Variants in UBR4 observed in about 807,000 individuals in gnomAD.
The protein encoded by UBR4 is ubiquitin protein ligase E3 component n-recognin 4.
A neutral mutation model predicts 575.6 loss-of-function variants in UBR4; 124 were observed. The observed-to-expected ratio is 0.22, with a 90% CI of 0.19 to 0.25. UBR4 has a LOEUF of 0.25. Ranked by LOEUF, UBR4 falls within the 10% of genes least tolerant of loss-of-function variation. The pLI is 1.00. For missense variants in UBR4, 4,818 were observed against 6,478.8 expected (o/e 0.74, Z 8.80); for synonymous variants, 2,455 against 2,473.7 (o/e 0.99, Z 0.22).
rs144364399 is a variant in UBR4 at position 19,088,760 on chromosome 1, G to A, written c.14429C>T (p.Thr4810Met). The part of the protein sequence containing the change: ...RQKALGTLGM[T>M]TNEKGQVVTK... The stretch of plus-strand genomic sequence containing the variant: ...GGGGACTCTAGGTGGTAGCTTTACC[G>A]TCATGCCCAGGGTGCCCAGGGCCTT... Residue 4810 changes from threonine (T) to methionine (M), a missense_variant and splice_region_variant, in exon 98 of 106, where the codon ACG becomes ATG. This residue lies in a region of UBR4 where 196 missense variants were observed against 386.8 expected (regional missense o/e 0.51). Transcript: ENST00000375254. This position sits in a 1 kb window ranked among gnomAD's most constrained non-coding sequence, Gnocchi z 4.0. The A allele has an allele frequency of 6.9e-5, 111 of 1,612,908 alleles. 1 individual carries two copies. The highest frequency in any genetic ancestry group is 3.1e-4 in the African/African-American group (23 of 74,852).
chr1:19,120,079 A>T, intron 69 of UBR4, 101 bp downstream of exon 69: 1 of 1,373,660 alleles, frequency 7.3e-7, no homozygotes, highest in Non-Finnish European at 1.0e-6. Flanking sequence ...TGGCGTAACT[A>T]CTGACTCTGT....
intron 69 of UBR4, 49 bp from the exon 70 acceptor site, chr1:19,119,750 G>A (rs748938022): frequency 2.5e-6 from 4 of 1,577,098 alleles, no homozygotes; most frequent in Non-Finnish European, 3.5e-6. Flanking sequence ...AAACCCTGAG[G>A]CACCTGTGTT....
At chr1:19,127,314 C>A (rs1406971184) in intron 63 of UBR4, among the ~76,000 whole-genome samples, 1 of 152,202 alleles carries the variant, frequency 6.6e-6, no homozygotes, top group East Asian at 1.9e-4. Context: ...TACCTTATAG[C>A]AACATACACT....
chr1:19,110,649 C>A lies in UBR4; in HGVS notation c.11892+93G>T. ...GGTAATGTTCTGCTCCTTCCCTCCT[C>A]AGTCACCGCAGGACCTGGGAGGGGA... On this transcript the variant is annotated intron_variant, in intron 79 of 105. Coordinates refer to ENST00000375254, the MANE Select transcript of UBR4 (RefSeq NM_020765.3). This position sits in a 1 kb window ranked among gnomAD's most constrained non-coding sequence, Gnocchi z 4.5. The A allele has an allele frequency of 6.9e-7, 1 of 1,449,580 alleles. No individual in the cohort carries two copies. Among genetic ancestry groups the A allele is most frequent in the East Asian group, 2.3e-5 (1 of 44,052 alleles). The allele number at this position is 1,449,580 out of a possible 1,614,324, so 89.8% of individuals were successfully genotyped here.
Position 19,081,868 on chromosome 1 carries a change from T to C in UBR4, c.15009-295A>G, listed in dbSNP as rs12404356. 86 of 635,228 alleles carry C rather than the reference T, an allele frequency of 1.4e-4. 1 individual carries two copies. The South Asian group carries it at 1.5e-3, about 11-fold the overall frequency. The allele number at this position is 635,228 out of a possible 1,614,324, so 39.3% of individuals were successfully genotyped here. ...CAACTACTGGTTCCTGAGCACCATA[T>C]ATCAGGGACGTTCACAATCTCCCCA... On this transcript the variant is annotated intron_variant, in intron 102 of 105. Coordinates refer to ENST00000375254, the MANE Select transcript of UBR4 (RefSeq NM_020765.3).
chr1:19,140,554 C>T (rs903919250), intron 58 of UBR4, among the ~76,000 whole-genome samples: 5 of 152,234 alleles, frequency 3.3e-5, no homozygotes, highest in East Asian at 1.9e-4. Flanking sequence ...TCGGCTTTTC[C>T]GTGGGGAAGT....
chr1:19,191,852 G>C (rs906578824), intron 11 of UBR4, among the ~76,000 whole-genome samples: 2 of 152,116 alleles, frequency 1.3e-5, no homozygotes, highest in Non-Finnish European at 2.9e-5. Context: ...GGTTATACAC[G>C]CAAGTACTCA....
In UBR4 at chr1:19,110,841, G is replaced by A; in HGVS notation, c.11802-9C>T. ...TGGCTTCTGGGTTGTCTCTGCAGAAGCAAATAGAAATGGAGTCCTATAATT... is the reference window on the plus strand; with the variant it reads ...TGGCTTCTGGGTTGTCTCTGCAGAAACAAATAGAAATGGAGTCCTATAATT... On this transcript the variant is annotated splice_polypyrimidine_tract_variant and intron_variant, in intron 78 of 105. Coordinates refer to ENST00000375254, the MANE Select transcript of UBR4 (RefSeq NM_020765.3). The surrounding 1 kb of genome is among the most constrained non-coding windows in gnomAD (Gnocchi z 4.5). 6.2e-7 allele frequency: 1 copy of A among 1,613,244 alleles called. No individual in the cohort carries two copies. The highest frequency in any genetic ancestry group is 8.5e-7 in the Non-Finnish European group (1 of 1,179,558).
chr1:19,184,565 C>T (rs941645052), intron 15 of UBR4, among the ~76,000 whole-genome samples: 4 of 152,178 alleles, frequency 2.6e-5, no homozygotes, highest in African/African-American at 4.8e-5. Flanking sequence ...CCTAGCTCTT[C>T]TCTATTAAAA....
chr1:19,154,226 C>T (rs2086130143), intron 44 of UBR4, among the ~76,000 whole-genome samples: 2 of 152,184 alleles, frequency 1.3e-5, no homozygotes, highest in Admixed American at 1.3e-4. Context: ...CTGCAGAGGG[C>T]CATGGAGCTG....
In UBR4 at chr1:19,198,549, G is replaced by C; in HGVS notation, c.640C>G (p.Gln214Glu). Reference sequence around the variant, plus strand: ...TGACTAAAGAAACTCACCAGAGTCTGTGTACTGATAGGTTGTGATGCTACA... The same window carrying C: ...TGACTAAAGAAACTCACCAGAGTCTCTGTACTGATAGGTTGTGATGCTACA... Reference protein sequence around the residue: ...RTVASQPISTQTLVEGENDEQ... With the variant: ...RTVASQPISTETLVEGENDEQ... The change falls in exon 5 of 106, where the codon CAG (glutamine) becomes GAG (glutamate). Residue 214 changes from glutamine (Q) to glutamate (E), a missense_variant. Gln to Glu is a conservative substitution (Grantham distance 29). This residue lies in a region of UBR4 where 83 missense variants were observed against 77.3 expected (regional missense o/e 1.07). Transcript: ENST00000375254. The C allele has an allele frequency of 6.2e-7, 1 of 1,614,040 alleles. No individual in the cohort carries two copies. The highest frequency in any genetic ancestry group is 8.5e-7 in the Non-Finnish European group (1 of 1,179,988).
At chr1:19,102,275 G>A (rs558974411) in intron 87 of UBR4, among the ~76,000 whole-genome samples, 1 of 152,106 alleles carries the variant, frequency 6.6e-6, no homozygotes, top group African/African-American at 2.4e-5. Flanking sequence ...TGAGGTGGGA[G>A]GATGGTTTGA....
chr1:19,200,617 G>A (rs1444310190), intron 2 of UBR4, among the ~76,000 whole-genome samples: 4 of 151,996 alleles, frequency 2.6e-5, no homozygotes, highest in African/African-American at 9.7e-5. Context: ...CTCATAACCC[G>A]ATCTCAAAAT....
intron 17 of UBR4, among the ~76,000 whole-genome samples, 173 bp from the exon 18 acceptor site, chr1:19,179,393 C>T (rs2090631887): frequency 6.6e-6 from 1 of 152,094 alleles, no homozygotes; most frequent in Admixed American, 6.5e-5. Context: ...TTTAGGTCAA[C>T]AAATGAGAAA....
intron 29 of UBR4, 47 bp from the exon 30 acceptor site, chr1:19,165,804 C>A: frequency 6.9e-7 from 1 of 1,457,610 alleles, no homozygotes; most frequent in South Asian, 1.2e-5. Context: ...AGACCTGTTT[C>A]AATGTCCTCC....
chr1:19,126,584 G>A lies in UBR4; in HGVS notation c.9300C>T (p.His3100=), dbSNP rs374619317. The A allele has an allele frequency of 3.8e-4, 607 of 1,614,184 alleles. No individual in the cohort carries two copies. Among genetic ancestry groups the A allele is most frequent in the Admixed American group, 6.7e-4 (40 of 60,034 alleles). ...AATATTCCAGCAGTGATTTGAGCAC[G>A]TGCAGGCAGTAGTCCACAGCCCCAG... ...LSSGAVDYCL[H]VLKSLLEYWK... The change falls in exon 64 of 106, where the codon CAC becomes CAT. Residue 3100 remains histidine (H), a synonymous_variant. Transcript: ENST00000375254.
chr1:19,198,632 T>A lies in UBR4; in HGVS notation c.557A>T (p.Gln186Leu). 1 of 1,614,196 alleles carries A rather than the reference T, an allele frequency of 6.2e-7. No individual in the cohort carries two copies. The highest frequency in any genetic ancestry group is 1.1e-5 in the South Asian group (1 of 91,086). Residue 186 changes from glutamine (Q) to leucine (L), a missense_variant, in exon 5 of 106, where the codon CAA (glutamine) becomes CTA (leucine). By Grantham distance (113) the Gln-to-Leu change is moderately radical. Transcript: ENST00000375254. ...CAAAAAATTCATCTGTACCTCCTTT[T>A]GCCTCAACTCAGGGCTTACTGGTGA... ...LASPVSPELR[Q>L]KEVQMNFLNQ... is the part of the protein sequence containing the mutation.
chr1:19,141,414 T>A lies in UBR4; in HGVS notation c.8421A>T (p.Pro2807=). 6.2e-7 allele frequency: 1 copy of A among 1,614,166 alleles called. No individual in the cohort carries two copies. The highest frequency in any genetic ancestry group is 8.5e-7 in the Non-Finnish European group (1 of 1,179,996). The change falls in exon 57 of 106, where the codon CCA becomes CCT. Residue 2807 remains proline, a synonymous_variant. Transcript: ENST00000375254. ...AEGFPPMLDI[P]PDADDETMVE... is the part of the protein sequence containing the mutation. ...CCATGGTCTCGTCATCTGCATCAGG[T>A]GGGATGTCCAGCATGGGGGGGAAGC...
At chr1:19,121,809 T>C (rs2081209504) in intron 67 of UBR4, 125 bp downstream of exon 67, 13 of 1,120,730 alleles carry the variant, frequency 1.2e-5, no homozygotes, top group Non-Finnish European at 1.7e-5. Flanking sequence ...CTAGACAGAG[T>C]TCTGTCTAGT....
Sources: allele counts gnomAD v4.1 joint callset (sites outside exome capture counted in the v4.1 genomes callset), GRCh38; gene constraint gnomAD v4.1.1; regional missense constraint gnomAD v4.1.1; non-coding constraint Gnocchi (gnomAD v3.1); transcripts MANE v1.5; gene names NCBI Gene and HGNC (gene_info 2026-07-23, HGNC 2026-07-21).